EAPP: variants seen among roughly 807,000 people sequenced by gnomAD.
EAPP encodes E2F-associated phosphoprotein.
A neutral mutation model predicts 34.3 loss-of-function variants in EAPP; 38 were observed. That is an observed-to-expected ratio of 1.11 (90% CI 0.85 to 1.45). EAPP has a LOEUF of 1.45. Among genes scored for constraint, EAPP ranks in the 40% most tolerant of loss-of-function variants. EAPP has a pLI of 0.00. For missense variants in EAPP, 338 were observed against 343.7 expected, an observed-to-expected ratio of 0.98 and a Z score of 0.13; for synonymous variants, 113 against 117.6, an observed-to-expected ratio of 0.96 and a Z score of 0.25.
At chr14:34,534,848 T>C (rs1399277865) in intron 2 of EAPP, among the ~76,000 whole-genome samples, 2 of 151,804 alleles carry the variant, frequency 1.3e-5, no homozygotes, top group Admixed American at 6.6e-5. Flanking sequence ...AAATTTTTTT[T>C]TTTTTTTTTG....
At chr14:34,535,846 A>G in intron 2 of EAPP, 1 of 357,650 alleles carries the variant, frequency 2.8e-6, no homozygotes, top group Non-Finnish European at 4.9e-6. Context: ...ACAGTGAGCT[A>G]TGATCATGCC....
chr14:34,532,587 G>C (rs1472176366), intron 3 of EAPP, among the ~76,000 whole-genome samples: 1 of 151,960 alleles, frequency 6.6e-6, no homozygotes, highest in Admixed American at 6.6e-5. Flanking sequence ...GGGAGGTATT[G>C]AGTTGGGACA....
At chr14:34,526,393 A>T (rs1307824878) in intron 4 of EAPP, among the ~76,000 whole-genome samples, 2 of 151,774 alleles carry the variant, frequency 1.3e-5, no homozygotes, top group Non-Finnish European at 2.9e-5. Flanking sequence ...GCGATACTGC[A>T]CTCCAGCCTG....
intron 4 of EAPP, among the ~76,000 whole-genome samples, chr14:34,525,107 A>AGTGG (rs1880052568): frequency 6.6e-6 from 1 of 152,186 alleles, no homozygotes; most frequent in African/African-American, 2.4e-5. Flanking sequence ...TACAACCCAA[A>AGTGG]GTATAAATAC....
rs1460102308 is a variant in EAPP at position 34,534,941 on chromosome 14, G to A, written c.256+1153C>T. Among the ~76,000 whole-genome samples the A allele has an allele frequency of 5.3e-5, 8 of 151,906 alleles. No individual in the cohort carries two copies. The South Asian group carries it at 1.2e-3, about 24-fold the overall frequency. The stretch of plus-strand genomic sequence containing the variant: ...TGCAACCTCTGCCTCCCGGGTTTAA[G>A]CGATTCTCCTGCCTGGCCTCCTGAG... On this transcript the variant is annotated intron_variant, in intron 2 of 5. Transcript: ENST00000250454.
At chr14:34,521,291 G>A (rs773512008) in intron 5 of EAPP, among the ~76,000 whole-genome samples, 3 of 151,678 alleles carry the variant, frequency 2.0e-5, no homozygotes, top group African/African-American at 4.8e-5. Flanking sequence ...GGCTGGTCTC[G>A]AACTGCTGAC....
At chr14:34,532,107 GA>G (rs1880315123) in intron 3 of EAPP, among the ~76,000 whole-genome samples, 3 of 150,474 alleles carry the variant, frequency 2.0e-5, no homozygotes, top group Admixed American at 1.3e-4. Context: ...AAGAAAGAAA[GA>G]AAAATTCAAT....
At position 34,527,861 on chromosome 14, in the gene EAPP, A is replaced by G. The variant is rs1880145557; in HGVS notation, c.470+1497T>C. 2.6e-5 allele frequency among the ~76,000 whole-genome samples: 4 copies of G among 152,100 alleles called. No individual in the cohort carries two copies. In the South Asian group the frequency reaches 8.3e-4, roughly 32 times the overall value. The stretch of plus-strand genomic sequence containing the variant: ...AGCGTTTCCTTTTGGGATGATGAAA[A>G]TGGTTGAAACTACATAAAAGTGGTG... On this transcript the variant is annotated intron_variant, in intron 4 of 5. Transcript: ENST00000250454.
chr14:34,520,983 G>T (rs951525639), intron 5 of EAPP, among the ~76,000 whole-genome samples: 3 of 152,022 alleles, frequency 2.0e-5, no homozygotes, highest in African/African-American at 4.8e-5. Context: ...ATATGCCTGG[G>T]GGTGGTTTTA....
chr14:34,533,317 G>T, intron 3 of EAPP, 127 bp downstream of exon 3: 1 of 744,510 alleles, frequency 1.3e-6, no homozygotes, highest in Non-Finnish European at 2.2e-6. Flanking sequence ...TTACAGGTGT[G>T]AGCCACCATG....
In EAPP at chr14:34,539,649, A is replaced by T. The variant is rs376473356; in HGVS notation, c.-21T>A. 2,135 of 1,531,240 alleles carry T rather than the reference A, an allele frequency of 1.4e-3. 54 individuals are homozygous for T. In the South Asian group the frequency reaches 0.025, roughly 18 times the overall value. The allele number at this position is 1,531,240 out of a possible 1,614,324, so 94.9% of individuals were successfully genotyped here. On this transcript the variant is annotated 5_prime_UTR_variant, in exon 1 of 6. Transcript: ENST00000250454. ...TTCATGGTGGCCTGCAGCGGCCTAC[A>T]CCGTCCACAAGCAATTTGCAGCGTC...
rs539629105 is a variant in EAPP at position 34,523,306 on chromosome 14, C to T, written c.581+1391G>A. Among the ~76,000 whole-genome samples the T allele has an allele frequency of 1.9e-4, 28 of 148,938 alleles. No individual in the cohort carries two copies. In the South Asian group the frequency reaches 2.3e-3, roughly 12 times the overall value. The stretch of plus-strand genomic sequence containing the variant: ...AGGCTGGAGTGCAGCGGCGTGACCT[C>T]GGCTCACTGTAAGCTCCGCCTCCTG... On this transcript the variant is annotated intron_variant, in intron 5 of 5. Transcript: ENST00000250454.
At chr14:34,525,739 G>A (rs1468691496) in intron 4 of EAPP, among the ~76,000 whole-genome samples, 1 of 152,212 alleles carries the variant, frequency 6.6e-6, no homozygotes. Flanking sequence ...ATGTATCAAG[G>A]CCGGGCTCGG....
chr14:34,532,228 C>T (rs570075769), intron 3 of EAPP, among the ~76,000 whole-genome samples: 1 of 151,454 alleles, frequency 6.6e-6, no homozygotes, highest in East Asian at 2.0e-4. Context: ...GAGGCTGAGG[C>T]GGGTGGATCA....
At chr14:34,536,677 T>G (rs1484148177) in intron 1 of EAPP, among the ~76,000 whole-genome samples, 1 of 151,988 alleles carries the variant, frequency 6.6e-6, no homozygotes, top group Non-Finnish European at 1.5e-5. Flanking sequence ...GAAATGGGGT[T>G]TCGCCATGTT....
At position 34,539,190 on chromosome 14, in the gene EAPP, T is replaced by C. The variant is rs1430815398; in HGVS notation, c.74+365A>G. ...ACATAGTGTGTTATACTATGTTATA[T>C]AGGTTATACAATTATGTTATTATAG... On this transcript the variant is annotated intron_variant, in intron 1 of 5. Coordinates refer to ENST00000250454, the MANE Select transcript of EAPP (RefSeq NM_018453.4). 2.2e-5 allele frequency: 9 copies of C among 416,634 alleles called. No homozygotes were observed. In the East Asian group the frequency reaches 2.7e-4, roughly 13 times the overall value. The allele number at this position is 416,634 out of a possible 1,614,324, so 25.8% of individuals were successfully genotyped here.
intron 4 of EAPP, 113 bp from the exon 5 acceptor site, chr14:34,524,920 G>T: frequency 1.3e-6 from 1 of 745,374 alleles, no homozygotes; most frequent in Non-Finnish European, 2.2e-6. Context: ...GCTAATTCTA[G>T]GAATAAGGAA....
chr14:34,539,567 G>C lies in EAPP; in HGVS notation c.62C>G (p.Pro21Arg). 6.2e-7 allele frequency: 1 copy of C among 1,604,814 alleles called. No homozygotes were observed. The highest frequency in any genetic ancestry group is 8.5e-7 in the Non-Finnish European group (1 of 1,177,066). The change falls in exon 1 of 6, where the codon CCG (proline) becomes CGG (arginine). Residue 21 changes from proline (P) to arginine (R), a missense_variant. Coordinates refer to ENST00000250454, the MANE Select transcript of EAPP (RefSeq NM_018453.4). ...GGCGGGAGCCCACCTGCTCAAAGCC[G>C]GCTCCTCGTCGCTAGGCTCTTCAAC... ...YAVEEPSDEE[P>R]ALSSSEDEVD...
intron 3 of EAPP, among the ~76,000 whole-genome samples, chr14:34,531,018 T>C (rs777198479): frequency 1.3e-4 from 20 of 151,228 alleles, no homozygotes; most frequent in Non-Finnish European, 2.7e-4. Flanking sequence ...GAATGTATTC[T>C]AGCAGGCAGG....
Sources: gnomAD v4.1 joint callset for allele counts (sites outside exome capture counted in the v4.1 genomes callset) on GRCh38, gnomAD v4.1.1 for gene constraint, MANE v1.5 for transcripts, NCBI Gene and HGNC (gene_info 2026-07-23, HGNC 2026-07-21) for gene names.